GALNTL6: variants seen among roughly 807,000 people sequenced by gnomAD.
GALNTL6 encodes polypeptide N-acetylgalactosaminyltransferase-like 6.
GALNTL6 carries 46 observed loss-of-function variants against 73.7 expected under a neutral mutation model. The ratio of observed to expected loss-of-function variants is 0.62; its 90% CI spans 0.49 to 0.80. GALNTL6 has a LOEUF of 0.80. Ranked by LOEUF, GALNTL6 falls within the 30% of genes least tolerant of loss-of-function variation. The pLI, the probability that GALNTL6 is intolerant of heterozygous loss-of-function variation, is 0.00. For synonymous variants in GALNTL6, 259 were observed against 263.7 expected, an observed-to-expected ratio of 0.98 and a Z score of 0.17; for missense variants, 604 against 755.0, an observed-to-expected ratio of 0.80 and a Z score of 2.34.
intron 2 of GALNTL6, among the ~76,000 whole-genome samples, chr4:171,823,007 G>A (rs1734725974): frequency 6.6e-6 from 1 of 152,050 alleles, no homozygotes; most frequent in Non-Finnish European, 1.5e-5. Flanking sequence ...AAGTAAGGAA[G>A]GCACAAAGAC....
At chr4:172,484,730 G>T (rs1347971783) in intron 5 of GALNTL6, among the ~76,000 whole-genome samples, 1 of 152,132 alleles carries the variant, frequency 6.6e-6, no homozygotes, top group Admixed American at 6.5e-5. Flanking sequence ...AAATATGTTA[G>T]TTCCTTATAA....
Position 172,206,806 on chromosome 4 carries a change from TTTTTTTTGTTTG to T in GALNTL6, c.139-22842_139-22831del, listed in dbSNP as rs1339471061. 9.3e-5 allele frequency among the ~76,000 whole-genome samples: 3 copies of T among 32,340 alleles called. 1 individual carries two copies. The highest frequency in any genetic ancestry group is 4.7e-4 in the Admixed American group (1 of 2,120). The allele number at this position is 32,340 out of a possible 152,430, so 21.2% of individuals were successfully genotyped here. The stretch of plus-strand genomic sequence containing the variant: ...TGTTTTGTTTTGTTTTGTTTTTCTG[TTTTTTTTGTTTG>T]TTTTTTTTTTTTTTTTTGAGACGGA... On this transcript the variant is annotated intron_variant, in intron 2 of 12. Transcript: ENST00000506823.
At chr4:172,547,207 C>A (rs1245761122) in intron 5 of GALNTL6, among the ~76,000 whole-genome samples, 2 of 152,010 alleles carry the variant, frequency 1.3e-5, no homozygotes, top group Non-Finnish European at 2.9e-5. Context: ...GGTTAGAATG[C>A]AGGCCTTGAA....
Position 172,556,372 on chromosome 4 carries a change from A to G in GALNTL6, c.553+207683A>G, listed in dbSNP as rs117000186. Among the ~76,000 whole-genome samples the G allele has an allele frequency of 8.6e-3, 1,316 of 152,176 alleles. 14 individuals carry two copies. Among genetic ancestry groups the G allele is most frequent in the East Asian group, 0.041 (211 of 5,172 alleles). ...AAAAAAATGAAGTCCTTAAATTAAC[A>G]AGAGAAGGGTCTCTCCCCATGTGAC... is the stretch of plus-strand genomic sequence containing the variant. On this transcript the variant is annotated intron_variant, in intron 5 of 12. Transcript: ENST00000506823.
intron 5 of GALNTL6, among the ~76,000 whole-genome samples, chr4:172,370,863 T>C (rs1742781235): frequency 6.6e-6 from 1 of 152,164 alleles, no homozygotes. Flanking sequence ...AGAGTAAGGA[T>C]AGATTTCGTT....
At chr4:172,358,507 T>C (rs997189228) in intron 5 of GALNTL6, among the ~76,000 whole-genome samples, 5 of 152,204 alleles carry the variant, frequency 3.3e-5, no homozygotes, top group African/African-American at 1.2e-4. Flanking sequence ...TGAGATTTTT[T>C]TTTGCAATTT....
rs79678842 is a variant in GALNTL6 at position 171,891,919 on chromosome 4, C to T, written c.138+77201C>T. Among the ~76,000 whole-genome samples, 8 of 152,200 alleles carry T rather than the reference C, an allele frequency of 5.3e-5. No homozygotes were observed. The East Asian group carries it at 9.7e-4, about 18-fold the overall frequency. ...TATATTTATTTGCTAAATCTGGCAACGCTATTACAGGTTGAGCATCTGTAA... is the reference window on the plus strand; with the variant it reads ...TATATTTATTTGCTAAATCTGGCAATGCTATTACAGGTTGAGCATCTGTAA... On this transcript the variant is annotated intron_variant, in intron 2 of 12. Transcript: ENST00000506823.
chr4:172,361,646 A>G (rs1260200767), intron 5 of GALNTL6, among the ~76,000 whole-genome samples: 1 of 152,190 alleles, frequency 6.6e-6, no homozygotes, highest in Non-Finnish European at 1.5e-5. Flanking sequence ...AATGTCTGCA[A>G]ACGGGGTTAA....
chr4:171,927,964 G>GA (rs1395072324), intron 2 of GALNTL6, among the ~76,000 whole-genome samples: 2 of 151,954 alleles, frequency 1.3e-5, no homozygotes, highest in Non-Finnish European at 1.5e-5. Flanking sequence ...CTTTATTTCA[G>GA]AAAAATTACC....
At position 172,891,900 on chromosome 4, in the gene GALNTL6, C is replaced by T. The variant is rs114844011; in HGVS notation, c.1041+8993C>T. 6.6e-3 allele frequency among the ~76,000 whole-genome samples: 1,000 copies of T among 152,230 alleles called. 3 individuals carry two copies. Among genetic ancestry groups the T allele is most frequent in the Non-Finnish European group, 0.011 (753 of 67,998 alleles). On this transcript the variant is annotated intron_variant, in intron 8 of 12. Transcript: ENST00000506823. ...CTTTACATTCTTTCCTCAGCTTACT[C>T]TAGTCTTTTGTTAAGACTTCCAACA...
At chr4:172,642,767 T>C (rs1036357633) in intron 5 of GALNTL6, among the ~76,000 whole-genome samples, 2 of 151,968 alleles carry the variant, frequency 1.3e-5, no homozygotes, top group African/African-American at 4.8e-5. Flanking sequence ...GTTAATTAGC[T>C]AGTTTTACCC....
At chr4:172,129,300 G>C (rs1188476195) in intron 2 of GALNTL6, among the ~76,000 whole-genome samples, 2 of 152,046 alleles carry the variant, frequency 1.3e-5, no homozygotes, top group Admixed American at 1.3e-4. Flanking sequence ...CATGTTAACT[G>C]TATAGTTGGT....
chr4:172,899,600 A>G (rs1365121297), intron 8 of GALNTL6, among the ~76,000 whole-genome samples: 7 of 152,158 alleles, frequency 4.6e-5, no homozygotes, highest in Non-Finnish European at 1.0e-4. Context: ...GTGTTACCAG[A>G]AAGGGGTCCT....
At chr4:171,911,608 CA>C (rs2110963045) in intron 2 of GALNTL6, among the ~76,000 whole-genome samples, 1 of 152,198 alleles carries the variant, frequency 6.6e-6, no homozygotes, top group South Asian at 2.1e-4. Context: ...TTCCAGTGCA[CA>C]AAGTTGTTTT....
At chr4:172,552,618 C>T (rs564336569) in intron 5 of GALNTL6, among the ~76,000 whole-genome samples, 162 of 151,980 alleles carry the variant, frequency 1.1e-3, no homozygotes, top group African/African-American at 3.9e-3. Context: ...AGGATCAAAA[C>T]ATGTCTACCC....
chr4:172,330,616 C>T (rs147858597), intron 4 of GALNTL6, among the ~76,000 whole-genome samples: 2 of 152,244 alleles, frequency 1.3e-5, no homozygotes, highest in Admixed American at 1.3e-4. Context: ...CTCCCAACAT[C>T]GTTGTTTTAT....
At chr4:172,475,829 TC>T (rs1733211668) in intron 5 of GALNTL6, among the ~76,000 whole-genome samples, 1 of 152,210 alleles carries the variant, frequency 6.6e-6, no homozygotes, top group South Asian at 2.1e-4. Context: ...CAGGGATCCA[TC>T]CAGATAAGTT....
intron 2 of GALNTL6, among the ~76,000 whole-genome samples, chr4:171,848,549 G>T (rs1431659324): frequency 1.3e-5 from 2 of 152,092 alleles, no homozygotes; most frequent in East Asian, 3.8e-4. Flanking sequence ...AAAATCTGTT[G>T]TTTGGTGCAG....
In GALNTL6 at chr4:172,739,097, T is replaced by C. The variant is rs892120463; in HGVS notation, c.554-70264T>C. ...GAGGCATATCCCACCCCCACTTCCATCATGGCTTGAAACAGTGTTTCAGGT... is the reference window on the plus strand; with the variant it reads ...GAGGCATATCCCACCCCCACTTCCACCATGGCTTGAAACAGTGTTTCAGGT... On this transcript the variant is annotated intron_variant, in intron 5 of 12. Coordinates refer to ENST00000506823, the MANE Select transcript of GALNTL6 (RefSeq NM_001034845.3). Among the ~76,000 whole-genome samples the C allele has an allele frequency of 3.9e-5, 6 of 152,154 alleles. No individual in the cohort carries two copies. In the East Asian group the frequency reaches 1.2e-3, roughly 29 times the overall value.
Sources: gnomAD v4.1 joint callset for allele counts (sites outside exome capture counted in the v4.1 genomes callset) on GRCh38, gnomAD v4.1.1 for gene constraint, MANE v1.5 for transcripts, NCBI Gene and HGNC (gene_info 2026-07-23, HGNC 2026-07-21) for gene names.